MAF: variants seen among roughly 807,000 people sequenced by gnomAD.
MAF encodes MAF bZIP transcription factor.
Under a neutral mutation model 22.0 loss-of-function variants are expected in MAF, and 10 were observed. The observed-to-expected ratio is 0.45, with a 90% CI of 0.28 to 0.77. The LOEUF (loss-of-function observed/expected upper bound fraction) is 0.77. Ranked by LOEUF, MAF falls within the 30% of genes least tolerant of loss-of-function variation. The probability of loss-of-function intolerance (pLI) is 0.12; values close to 1 mark genes in which losing one functional copy is unlikely to be tolerated. For synonymous variants in MAF, 337 were observed against 255.8 expected (o/e 1.32, Z -3.03); for missense variants, 544 against 548.4 (o/e 0.99, Z 0.08).
chr16:79,335,199 A>G, the MAF span, among the ~76,000 whole-genome samples: 2 of 150,612 alleles, frequency 1.3e-5, no homozygotes, highest in African/African-American at 2.4e-5. Context: ...AAAAAAAAAA[A>G]GAAAGAAAAA....
chr16:79,405,013 G>T, the MAF span, among the ~76,000 whole-genome samples: 1 of 152,146 alleles, frequency 6.6e-6, no homozygotes, highest in Admixed American at 6.5e-5. Flanking sequence ...CTGTGTCACC[G>T]GGTACTGGAA....
the MAF span, among the ~76,000 whole-genome samples, chr16:79,475,021 C>G: frequency 6.6e-6 from 1 of 152,228 alleles, no homozygotes; most frequent in Admixed American, 6.5e-5. Context: ...TTCTGTCTAT[C>G]GCTAACAGTA....
the MAF span, among the ~76,000 whole-genome samples, chr16:79,233,272 C>G: frequency 6.6e-6 from 1 of 151,982 alleles, no homozygotes; most frequent in Non-Finnish European, 1.5e-5. Context: ...CAAGTGGACC[C>G]TAATACAGGT....
chr16:79,593,745 A>G (rs1397652191), downstream of MAF: 1 of 171,692 alleles, frequency 5.8e-6, no homozygotes, highest in Non-Finnish European at 1.3e-5. Flanking sequence ...AAAGGGAAAC[A>G]TGCAAGAAGC....
chr16:79,369,056 G>A, the MAF span, among the ~76,000 whole-genome samples: 4 of 152,124 alleles, frequency 2.6e-5, no homozygotes, highest in Non-Finnish European at 5.9e-5. Context: ...GAACAGTGTT[G>A]GACACACAGC....
the MAF span, among the ~76,000 whole-genome samples, chr16:79,214,943 C>T: frequency 1.9e-4 from 28 of 151,012 alleles, no homozygotes; most frequent in Non-Finnish European, 3.7e-4. Context: ...CTCCTGACCT[C>T]AGGTGATCCA....
the MAF span, among the ~76,000 whole-genome samples, chr16:79,213,995 G>C: frequency 3.3e-5 from 5 of 151,906 alleles, no homozygotes; most frequent in African/African-American, 4.8e-5. Flanking sequence ...TCTGTTCCTC[G>C]AACATGCCAA....
the MAF span, among the ~76,000 whole-genome samples, chr16:79,339,943 T>C: frequency 6.6e-6 from 1 of 152,152 alleles, no homozygotes; most frequent in Non-Finnish European, 1.5e-5. Flanking sequence ...GTTCTTCAAT[T>C]TAAAAAGTTA....
chr16:79,549,103 T>A, the MAF span, among the ~76,000 whole-genome samples: 1 of 152,276 alleles, frequency 6.6e-6, no homozygotes, highest in Non-Finnish European at 1.5e-5. Flanking sequence ...GTTGCAAGGA[T>A]TAAATGAGCT....
the MAF span, among the ~76,000 whole-genome samples, chr16:79,507,461 G>A: frequency 1.6e-5 from 2 of 126,282 alleles, no homozygotes; most frequent in African/African-American, 6.0e-5. Context: ...GTCTCACTCT[G>A]TTGCCCAGGC....
the MAF span, among the ~76,000 whole-genome samples, chr16:79,488,693 C>T: frequency 6.6e-6 from 1 of 152,156 alleles, no homozygotes; most frequent in African/African-American, 2.4e-5. Context: ...GACAATGCAT[C>T]TCAGCCATTT....
At chr16:79,296,735 A>C in the MAF span, among the ~76,000 whole-genome samples, 1 of 152,178 alleles carries the variant, frequency 6.6e-6, no homozygotes, top group East Asian at 1.9e-4. Flanking sequence ...CAGGCCTCAG[A>C]ACTGGCCCTG....
At chr16:79,214,703 C>CTTT in the MAF span, among the ~76,000 whole-genome samples, 550 of 43,084 alleles carry the variant, frequency 0.013, 128 homozygotes, top group African/African-American at 0.03. Flanking sequence ...CTGTGCCTGG[C>CTTT]TTTTTTTTTT....
At chr16:79,387,170 G>C in the MAF span, among the ~76,000 whole-genome samples, 1 of 152,194 alleles carries the variant, frequency 6.6e-6, no homozygotes, top group Admixed American at 6.5e-5. Flanking sequence ...AGCAATAGCA[G>C]AACGCTCTCT....
chr16:79,469,250 G>A, the MAF span, among the ~76,000 whole-genome samples: 62 of 152,260 alleles, frequency 4.1e-4, no homozygotes, highest in Admixed American at 1.0e-3. Context: ...AGAGTTGAGC[G>A]GTTGCAACAG....
the MAF span, among the ~76,000 whole-genome samples, chr16:79,302,107 T>C: frequency 4.6e-5 from 7 of 152,294 alleles, no homozygotes; most frequent in East Asian, 1.2e-3. Context: ...CACGCCTTCC[T>C]ACACCTGGGG....
the MAF span, among the ~76,000 whole-genome samples, chr16:79,544,508 C>G: frequency 4.6e-5 from 7 of 152,072 alleles, 1 homozygote; most frequent in Admixed American, 4.6e-4. Context: ...GGCATGGTGG[C>G]TCATGCCTGT....
chr16:79,290,684 A>G, the MAF span, among the ~76,000 whole-genome samples: 1 of 152,126 alleles, frequency 6.6e-6, no homozygotes, highest in East Asian at 1.9e-4. Context: ...GTGCTTTGAG[A>G]CACTGTGTGA....
the MAF span, among the ~76,000 whole-genome samples, chr16:79,443,557 T>G: frequency 6.6e-6 from 1 of 152,192 alleles, no homozygotes; most frequent in Non-Finnish European, 1.5e-5. Flanking sequence ...GTAATTAATT[T>G]CAAAAACTAA....
Sources: allele counts gnomAD v4.1 joint callset (sites outside exome capture counted in the v4.1 genomes callset), GRCh38; gene constraint gnomAD v4.1.1; transcripts MANE v1.5; gene names NCBI Gene and HGNC (gene_info 2026-07-23, HGNC 2026-07-21).